The following TCF4 variants were observed in gnomAD, a reference collection of about 807,000 sequenced individuals.
TCF4 encodes transcription factor 4.
Under a neutral mutation model 82.1 loss-of-function variants are expected in TCF4, and 3 were observed. That is an observed-to-expected ratio of 0.04 (90% CI 0.02 to 0.09). TCF4 has a LOEUF of 0.09. Among genes scored for constraint, TCF4 ranks in the 10% least tolerant of loss-of-function variants. TCF4 has a pLI of 1.00. For missense variants in TCF4, 518 were observed against 852.7 expected, an observed-to-expected ratio of 0.61 and a Z score of 4.89; for synonymous variants, 276 against 309.6, an observed-to-expected ratio of 0.89 and a Z score of 1.14.
intron 3 of TCF4, chr18:55,547,068 C>G (rs1178590949): frequency 6.6e-6 from 1 of 152,260 alleles, no homozygotes; most frequent in Non-Finnish European, 1.5e-5. Context: ...AGATTCCCCA[C>G]AGCTGTTGAG....
At chr18:55,235,399 C>T (rs1335419728) in intron 15 of TCF4, among the ~76,000 whole-genome samples, 2 of 152,118 alleles carry the variant, frequency 1.3e-5, no homozygotes, top group East Asian at 3.9e-4. Context: ...CCATCATTGC[C>T]ATGCAAGGAA....
At chr18:55,464,200 C>T in intron 3 of TCF4, 63 bp from the exon 4 acceptor site, 5 of 1,380,382 alleles carry the variant, frequency 3.6e-6, no homozygotes, top group East Asian at 2.3e-5. Flanking sequence ...TGTATATGCA[C>T]TTTCAAATTA....
intron 3 of TCF4, among the ~76,000 whole-genome samples, chr18:55,488,124 TATAAC>T (rs2096536720): frequency 6.6e-6 from 1 of 152,238 alleles, no homozygotes; most frequent in South Asian, 2.1e-4. Context: ...TATTTATACT[TATAAC>T]AGAAACCTAT....
intron 8 of TCF4, among the ~76,000 whole-genome samples, chr18:55,284,919 T>C (rs2063368092): frequency 6.6e-6 from 1 of 152,226 alleles, no homozygotes; most frequent in Non-Finnish European, 1.5e-5. Flanking sequence ...CCATGTACTT[T>C]GATGCTTCTC....
At chr18:55,239,424 T>G (rs1018813259) in intron 15 of TCF4, among the ~76,000 whole-genome samples, 2 of 152,150 alleles carry the variant, frequency 1.3e-5, no homozygotes, top group Admixed American at 6.5e-5. Context: ...CTTACAACAC[T>G]GAACAATTAT....
At chr18:55,362,856 C>T (rs1227180001) in intron 6 of TCF4, among the ~76,000 whole-genome samples, 2 of 152,264 alleles carry the variant, frequency 1.3e-5, no homozygotes, top group African/African-American at 2.4e-5. Context: ...CACTGACTTG[C>T]TGAACTAGTT....
At chr18:55,344,655 A>G (rs982994281) in intron 8 of TCF4, among the ~76,000 whole-genome samples, 1 of 152,182 alleles carries the variant, frequency 6.6e-6, no homozygotes, top group Non-Finnish European at 1.5e-5. Context: ...AAATCTTAGC[A>G]TGCAAAATAC....
At chr18:55,245,225 A>T (rs1424292370) in intron 15 of TCF4, among the ~76,000 whole-genome samples, 1 of 152,198 alleles carries the variant, frequency 6.6e-6, no homozygotes, top group African/African-American at 2.4e-5. Flanking sequence ...CTGTTTTCTA[A>T]GCAATTAAGA....
intron 6 of TCF4, chr18:55,400,882 A>C (rs2093774001): frequency 9.5e-7 from 1 of 1,056,262 alleles, no homozygotes; most frequent in East Asian, 5.9e-5. Flanking sequence ...CACTGTTATA[A>C]TACGATAAAG....
At chr18:55,409,872 T>A (rs1569417385) in intron 5 of TCF4, among the ~76,000 whole-genome samples, 1 of 152,092 alleles carries the variant, frequency 6.6e-6, no homozygotes, top group Non-Finnish European at 1.5e-5. Context: ...GACTCTGGGT[T>A]TACAAAAAAG....
At chr18:55,591,768 C>T (rs573456728), upstream of TCF4, among the ~76,000 whole-genome samples, 7 of 152,288 alleles carry the variant, frequency 4.6e-5, no homozygotes, top group South Asian at 6.2e-4. Flanking sequence ...CTGCCCACCT[C>T]GGCCTCCCAA....
intron 3 of TCF4, among the ~76,000 whole-genome samples, chr18:55,521,835 C>CT (rs1182006263): frequency 1.8e-4 from 27 of 152,286 alleles, no homozygotes; most frequent in Admixed American, 1.2e-3. Flanking sequence ...AGAAAGCTAA[C>CT]TAACTACTGG....
intron 8 of TCF4, among the ~76,000 whole-genome samples, chr18:55,342,105 T>C (rs1297419268): frequency 1.3e-5 from 2 of 152,182 alleles, no homozygotes; most frequent in Non-Finnish European, 2.9e-5. Context: ...ACATGCTTTT[T>C]TCCCCTTCTA....
At chr18:55,417,119 G>T (rs2094552274) in intron 5 of TCF4, among the ~76,000 whole-genome samples, 1 of 152,248 alleles carries the variant, frequency 6.6e-6, no homozygotes, top group Admixed American at 6.5e-5. Context: ...TTTGGCTACA[G>T]ACTTTACTTA....
At chr18:55,587,272 G>T (rs959229253) in intron 1 of TCF4, 136 bp from the exon 2 acceptor site, 7 of 529,396 alleles carry the variant, frequency 1.3e-5, no homozygotes, top group Non-Finnish European at 2.4e-5. Context: ...AGGAGGAAGG[G>T]ATGGGAGACT....
chr18:55,429,517 C>T (rs1186883622), intron 5 of TCF4, among the ~76,000 whole-genome samples: 3 of 152,182 alleles, frequency 2.0e-5, no homozygotes, highest in Non-Finnish European at 4.4e-5. Context: ...AATCCCAGCA[C>T]TTTGGGAGGC....
At position 55,300,907 on chromosome 18, in the gene TCF4, G is replaced by A. The variant is rs931706289; in HGVS notation, c.550-21251C>T. Among the ~76,000 whole-genome samples the A allele has an allele frequency of 2.6e-5, 4 of 152,276 alleles. No individual in the cohort carries two copies. In the East Asian group the frequency reaches 5.8e-4, roughly 22 times the overall value. On this transcript the variant is annotated intron_variant, in intron 8 of 19. Transcript: ENST00000354452. ...AGCCAAGAGCTCGTCCCAGAGAACA[G>A]GCGAAGGCAAAAGGTCACTCTGGGT...
At chr18:55,364,978 ACT>A (rs1210136115) in intron 6 of TCF4, among the ~76,000 whole-genome samples, 1 of 150,828 alleles carries the variant, frequency 6.6e-6, no homozygotes, top group Non-Finnish European at 1.5e-5. Context: ...ATACGGTGAA[ACT>A]CTGTCTCTAC....
intron 3 of TCF4, among the ~76,000 whole-genome samples, chr18:55,529,426 T>C (rs1173173568): frequency 6.6e-6 from 1 of 152,172 alleles, no homozygotes; most frequent in African/African-American, 2.4e-5. Context: ...TCTCTGACTT[T>C]TATTTTTCTA....
Sources: allele counts gnomAD v4.1 joint callset (sites outside exome capture counted in the v4.1 genomes callset), GRCh38; gene constraint gnomAD v4.1.1; transcripts MANE v1.5; gene names NCBI Gene and HGNC (gene_info 2026-07-23, HGNC 2026-07-21).